TMF1: variants seen among roughly 807,000 people sequenced by gnomAD.
TMF1 encodes the protein TATA element modulatory factor 1, also known as TATA element modulatory factor.
TMF1 carries 71 observed loss-of-function variants against 126.5 expected under a neutral mutation model. The observed-to-expected ratio is 0.56, with a 90% CI of 0.46 to 0.68. TMF1 has a LOEUF of 0.68. TMF1 is among the 30% of genes least tolerant of loss of function. The pLI is 0.00. For missense variants in TMF1, 1,259 were observed against 1,253.2 expected (o/e 1.00, Z -0.07); for synonymous variants, 461 against 430.5 (o/e 1.07, Z -0.88).
chr3:69,040,952 G>A (rs531924343), intron 5 of TMF1, among the ~76,000 whole-genome samples: 23 of 151,190 alleles, frequency 1.5e-4, no homozygotes, highest in Admixed American at 9.9e-4. Context: ...TCTGGGGCAC[G>A]CGGAAACAAT....
Position 69,035,074 on chromosome 3 carries a change from C to T in TMF1, c.2193G>A (p.Ala731=), listed in dbSNP as rs2107461258. The T allele has an allele frequency of 2.5e-6, 4 of 1,614,164 alleles. No individual in the cohort carries two copies. Among genetic ancestry groups the T allele is most frequent in the South Asian group, 1.1e-5 (1 of 91,076 alleles). The change falls in exon 9 of 17, where the codon GCG becomes GCA. Residue 731 remains alanine, a synonymous_variant. Transcript: ENST00000398559. The stretch of plus-strand genomic sequence containing the variant: ...GTAAATAATCCTCCTTTCTGGCAGC[C>T]GCTTGTTCTGTACGCTGCAATGCAA... The part of the protein sequence containing the change: ...LRLALQRTEQ[A]AARKEDYLRH...
chr3:69,026,373 G>C (rs1440582156), intron 13 of TMF1, among the ~76,000 whole-genome samples: 1 of 152,170 alleles, frequency 6.6e-6, no homozygotes, highest in South Asian at 2.1e-4. Flanking sequence ...AAGGAGGGTG[G>C]ATCACCTGAG....
chr3:69,051,736 CA>C (rs2107473140), intron 1 of TMF1, among the ~76,000 whole-genome samples: 1 of 152,224 alleles, frequency 6.6e-6, no homozygotes, highest in East Asian at 1.9e-4. Context: ...CAAAGAAAGA[CA>C]AGGGGGAACC....
chr3:69,043,844 C>CTACTGCTTTCT lies in TMF1; in HGVS notation c.1473_1483dup (p.Ser495LysfsTer9), dbSNP rs1165818164. On this transcript the variant is annotated frameshift_variant, in exon 4 of 17. Transcript: ENST00000398559. LOFTEE classifies it high-confidence loss of function. ...AAACTCATCTTTCAAGGAAGAAATG[C>CTACTGCTTTCT]TACTGCTTTCTTCTTTCACTCTGAA... The CTACTGCTTTCT allele has an allele frequency of 8.1e-6, 13 of 1,607,798 alleles. No individual in the cohort carries two copies. The highest frequency in any genetic ancestry group is 1.1e-5 in the Non-Finnish European group (13 of 1,176,892).
At position 69,051,932 on chromosome 3, in the gene TMF1, C is replaced by T; in HGVS notation, c.142+13G>A. 1 of 1,609,318 alleles carries T rather than the reference C, an allele frequency of 6.2e-7. No homozygotes were observed. The highest frequency in any genetic ancestry group is 8.5e-7 in the Non-Finnish European group (1 of 1,177,520). On this transcript the variant is annotated intron_variant, in intron 1 of 16. Coordinates refer to ENST00000398559, the MANE Select transcript of TMF1 (RefSeq NM_007114.3). Reference sequence around the variant, plus strand: ...CCTCCGGGAGCCAGGAACCCCGCTCCTCTCTCTCTTACCCGGCTCTCCATA... The same window carrying T: ...CCTCCGGGAGCCAGGAACCCCGCTCTTCTCTCTCTTACCCGGCTCTCCATA...
At chr3:69,034,165 T>TAAGTACTAACAGTACTA (rs2091820031) in intron 9 of TMF1, among the ~76,000 whole-genome samples, 1 of 152,154 alleles carries the variant, frequency 6.6e-6, no homozygotes, top group Non-Finnish European at 1.5e-5. Context: ...GATTGTGTAA[T>TAAGTACTAACAGTACTA]ACAGTATCTA....
chr3:69,050,343 A>G (rs1398759884), intron 1 of TMF1, among the ~76,000 whole-genome samples: 2 of 152,036 alleles, frequency 1.3e-5, no homozygotes, highest in Non-Finnish European at 2.9e-5. Flanking sequence ...AAAAGTATGT[A>G]GAAAACTTCA....
chr3:69,044,846 T>C (rs1463957), intron 2 of TMF1, among the ~76,000 whole-genome samples: 53,469 of 152,042 alleles, frequency 0.35, 9,681 homozygotes, highest in East Asian at 0.53. Flanking sequence ...TTAGGCAATA[T>C]CTAGTTGGGG....
In TMF1 at chr3:69,048,569, C is replaced by G. The variant is rs556280719; in HGVS notation, c.143-7G>C. On this transcript the variant is annotated splice_polypyrimidine_tract_variant and splice_region_variant and intron_variant, in intron 1 of 16. Coordinates refer to ENST00000398559, the MANE Select transcript of TMF1 (RefSeq NM_007114.3). ...CTGACAGGGGAACTTATTCCTTTAA[C>G]AAAAAAGTAAATATTAAAAAAGAAC... 5.1e-6 allele frequency: 8 copies of G among 1,557,850 alleles called. No individual in the cohort carries two copies. In the Admixed American group the frequency reaches 8.4e-5, roughly 16 times the overall value.
intron 5 of TMF1, chr3:69,042,489 C>T (rs9985501): frequency 0.99 from 496,409 of 498,940 alleles, 247,030 homozygotes; most frequent in Non-Finnish European, 1. Context: ...CCCAGAGTTA[C>T]ACACTTTGAA....
chr3:69,042,339 A>G (rs1157656266), intron 5 of TMF1: 1 of 455,840 alleles, frequency 2.2e-6, no homozygotes, highest in Non-Finnish European at 4.4e-6. Context: ...CACTCAGCCA[A>G]CCCTGTTTAT....
intron 1 of TMF1, among the ~76,000 whole-genome samples, chr3:69,049,421 A>G (rs1194278266): frequency 6.6e-6 from 1 of 152,168 alleles, no homozygotes; most frequent in Non-Finnish European, 1.5e-5. Context: ...AATGGTGACA[A>G]ATGTTCTTTC....
In TMF1 at chr3:69,024,035, C is replaced by A. The variant is rs2091753073; in HGVS notation, c.3138+20G>T. Reference sequence around the variant, plus strand: ...TGAACTAAAATATCTTAGACTCATCCTTAGGTGAAGAATACTTACTCTTAG... The same window carrying A: ...TGAACTAAAATATCTTAGACTCATCATTAGGTGAAGAATACTTACTCTTAG... On this transcript the variant is annotated intron_variant, in intron 16 of 16. Transcript: ENST00000398559. The A allele has an allele frequency of 1.3e-6, 2 of 1,589,286 alleles. No individual in the cohort carries two copies. Among genetic ancestry groups the A allele is most frequent in the Non-Finnish European group, 1.7e-6 (2 of 1,171,768 alleles).
chr3:69,031,110 G>A (rs914438266), intron 10 of TMF1, among the ~76,000 whole-genome samples: 1 of 152,106 alleles, frequency 6.6e-6, no homozygotes, highest in Non-Finnish European at 1.5e-5. Flanking sequence ...ACCTCTTCCT[G>A]GGAATTACAC....
In TMF1 at chr3:69,038,671, G is replaced by A; in HGVS notation, c.2044C>T (p.Gln682Ter). 1.2e-6 allele frequency: 2 copies of A among 1,614,168 alleles called. No homozygotes were observed. The highest frequency in any genetic ancestry group is 1.1e-5 in the South Asian group (1 of 91,078). Residue 682 changes from glutamine to a stop codon, truncating the protein, a stop_gained, in exon 8 of 17, where the codon CAG becomes TAG. Transcript: ENST00000398559. LOFTEE classifies it high-confidence loss of function. Reference sequence around the variant, plus strand: ...ATTTCACGGCTCAGAGCAGCTTCCTGTGCCTCACTATCCTTTGCAGCATTG... The same window carrying A: ...ATTTCACGGCTCAGAGCAGCTTCCTATGCCTCACTATCCTTTGCAGCATTG... ...KANAAKDSEA[Q>*]EAALSREMKA...
intron 5 of TMF1, among the ~76,000 whole-genome samples, chr3:69,040,646 G>A (rs2091858440): frequency 6.6e-6 from 1 of 152,158 alleles, no homozygotes; most frequent in Non-Finnish European, 1.5e-5. Context: ...AAAAATACTG[G>A]CCGGGTGCAG....
rs1053300203 is a variant in TMF1 at position 69,052,028 on chromosome 3, G to A, written c.59C>T (p.Ala20Val). The A allele has an allele frequency of 1.2e-6, 2 of 1,613,862 alleles. No homozygotes were observed. Among genetic ancestry groups the A allele is most frequent in the Non-Finnish European group, 1.7e-6 (2 of 1,179,900 alleles). ...SSFAKQALSQ[A>V]QKSIDRVLDI... ...CAGAACCCTGTCAATAGACTTCTGG[G>A]CCTGGGACAGGGCCTGCTTAGCGAA... Residue 20 changes from alanine (A) to valine (V), a missense_variant, in exon 1 of 17, where the codon GCC becomes GTC. Coordinates refer to ENST00000398559, the MANE Select transcript of TMF1 (RefSeq NM_007114.3).
chr3:69,033,676 T>C lies in TMF1; in HGVS notation c.2273A>G (p.Gln758Arg). 1 of 1,612,844 alleles carries C rather than the reference T, an allele frequency of 6.2e-7. No homozygotes were observed. Among genetic ancestry groups the C allele is most frequent in the Non-Finnish European group, 8.5e-7 (1 of 1,179,640 alleles). ...QRLQEAENRN[Q>R]ELSQSVSSTT... ...TGATGAAACACTTTGACTCAGTTCC[T>C]GGTTTCGATTCTCTGCTTCCTGGAG... The change falls in exon 10 of 17, where the codon CAG becomes CGG. Residue 758 changes from glutamine to arginine, a missense_variant. Physicochemically the swap from Gln to Arg is conservative, Grantham distance 43 (BLOSUM62 1). Coordinates refer to ENST00000398559, the MANE Select transcript of TMF1 (RefSeq NM_007114.3).
intron 2 of TMF1, 76 bp from the exon 3 acceptor site, chr3:69,044,671 G>T: frequency 1.1e-6 from 1 of 877,684 alleles, no homozygotes. Context: ...GTGTATCACT[G>T]TAACAAAGAA....
Sources: gnomAD v4.1 joint callset for allele counts (sites outside exome capture counted in the v4.1 genomes callset) on GRCh38, gnomAD v4.1.1 for gene constraint, MANE v1.5 for transcripts, NCBI Gene and HGNC (gene_info 2026-07-23, HGNC 2026-07-21) for gene names.